Variants in PRRX1 observed in about 807,000 individuals in gnomAD.
PRRX1 encodes paired mesoderm homeobox protein 1.
PRRX1 carries 8 observed loss-of-function variants against 24.0 expected under a neutral mutation model. That is an observed-to-expected ratio of 0.33 (90% CI 0.20 to 0.60). The LOEUF (loss-of-function observed/expected upper bound fraction) is 0.60. Among genes scored for constraint, PRRX1 ranks in the 20% least tolerant of loss-of-function variants. The pLI, the probability that PRRX1 is intolerant of heterozygous loss-of-function variation, is 0.82. For synonymous variants in PRRX1, 160 were observed against 131.7 expected (o/e 1.22, Z -1.47); for missense variants, 281 against 322.4 (o/e 0.87, Z 0.98).
At chr1:170,729,212 G>T (rs573848923) in intron 3 of PRRX1, among the ~76,000 whole-genome samples, 11 of 152,300 alleles carry the variant, frequency 7.2e-5, no homozygotes, top group Admixed American at 3.9e-4. Flanking sequence ...AGTAAAAAAA[G>T]TATAAGATTG....
chr1:170,730,386 G>T, intron 3 of PRRX1: 1 of 1,544,452 alleles, frequency 6.5e-7, no homozygotes, highest in Admixed American at 1.7e-5. Flanking sequence ...GCTGCTTGGG[G>T]TAGGGTTTAA....
intron 1 of PRRX1, among the ~76,000 whole-genome samples, chr1:170,711,144 T>C (rs2101911275): frequency 6.6e-6 from 1 of 152,352 alleles, no homozygotes; most frequent in Non-Finnish European, 1.5e-5. Context: ...CTTCTTATTT[T>C]GACCATTTTA....
chr1:170,703,586 A>G (rs1283860692), intron 1 of PRRX1, among the ~76,000 whole-genome samples: 1 of 147,522 alleles, frequency 6.8e-6, no homozygotes, highest in Non-Finnish European at 1.5e-5. Context: ...ATAATACATT[A>G]TATAATAGTG....
intron 3 of PRRX1, chr1:170,727,344 A>G (rs150010409): frequency 1.2e-3 from 190 of 152,278 alleles, no homozygotes; most frequent in African/African-American, 4.2e-3. Flanking sequence ...CTTTCTTTGA[A>G]AATATACCTG....
At chr1:170,665,026 C>G (rs564106831) in intron 1 of PRRX1, among the ~76,000 whole-genome samples, 9 of 152,348 alleles carry the variant, frequency 5.9e-5, no homozygotes, top group East Asian at 5.8e-4. Flanking sequence ...AGAGAACGCC[C>G]GGCCCCAGAC....
intron 1 of PRRX1, among the ~76,000 whole-genome samples, chr1:170,675,911 C>T (rs1432980370): frequency 1.3e-5 from 2 of 151,984 alleles, no homozygotes; most frequent in African/African-American, 4.8e-5. Flanking sequence ...AGAGAGTAAA[C>T]ACCATTTTTG....
chr1:170,702,619 C>A (rs1654421402), intron 1 of PRRX1, among the ~76,000 whole-genome samples: 2 of 152,320 alleles, frequency 1.3e-5, no homozygotes, highest in East Asian at 1.9e-4. Context: ...AGGATTGAGG[C>A]TTTTACCCGT....
chr1:170,694,822 T>C (rs545027262), intron 1 of PRRX1, among the ~76,000 whole-genome samples: 3 of 152,284 alleles, frequency 2.0e-5, no homozygotes, highest in Non-Finnish European at 4.4e-5. Context: ...TGAAGTGGCC[T>C]TATAGATAAA....
chr1:170,667,121 A>T (rs1308254272), intron 1 of PRRX1, among the ~76,000 whole-genome samples: 1 of 152,154 alleles, frequency 6.6e-6, no homozygotes, highest in Non-Finnish European at 1.5e-5. Context: ...AGTTACAATG[A>T]CTAGAGAGGC....
At position 170,736,177 on chromosome 1, in the gene PRRX1, A is replaced by G. The variant is rs755620260; in HGVS notation, c.729A>G (p.Thr243=). The G allele has an allele frequency of 5.0e-6, 8 of 1,614,212 alleles. No homozygotes were observed. Among genetic ancestry groups the G allele is most frequent in the Non-Finnish European group, 5.1e-6 (6 of 1,180,006 alleles). The part of the protein sequence containing the change: ...EYSLQRNQVP[T]VN ...GTTTACAGAGGAACCAGGTGCCAAC[A>G]GTCAACTGAGGAAAAAAAATAATTA... The change falls in exon 4 of 4, where the codon ACA becomes ACG. Residue 243 remains threonine (T), a synonymous_variant. Transcript: ENST00000239461.
chr1:170,706,097 T>C (rs1401288728), intron 1 of PRRX1, among the ~76,000 whole-genome samples: 2 of 152,236 alleles, frequency 1.3e-5, no homozygotes, highest in Non-Finnish European at 2.9e-5. Flanking sequence ...CTGCTAAATC[T>C]GAACATTATC....
At chr1:170,670,606 C>A (rs114545859) in intron 1 of PRRX1, among the ~76,000 whole-genome samples, 2,089 of 152,140 alleles carry the variant, frequency 0.014, 48 homozygotes, top group African/African-American at 0.048. Context: ...GGGAAGTACT[C>A]ATCCAGACAA....
At chr1:170,686,301 G>A (rs1429329340) in intron 1 of PRRX1, among the ~76,000 whole-genome samples, 3 of 152,120 alleles carry the variant, frequency 2.0e-5, no homozygotes, top group Admixed American at 6.5e-5. Flanking sequence ...ACCTAAGAGG[G>A]CAAGAGCAAG....
chr1:170,701,159 C>G (rs1333719968), intron 1 of PRRX1, among the ~76,000 whole-genome samples: 1 of 152,162 alleles, frequency 6.6e-6, no homozygotes, highest in Non-Finnish European at 1.5e-5. Context: ...CTTTATGACT[C>G]ATCTATTATC....
At chr1:170,689,824 CT>C in intron 1 of PRRX1, among the ~76,000 whole-genome samples, 2 of 81,916 alleles carry the variant, frequency 2.4e-5, no homozygotes, top group Non-Finnish European at 4.9e-5. Flanking sequence ...GTCTCTCTCT[CT>C]CTCTCTCTCT....
intron 1 of PRRX1, among the ~76,000 whole-genome samples, chr1:170,666,186 C>A (rs544691551): frequency 1.4e-4 from 22 of 152,084 alleles, no homozygotes; most frequent in Middle Eastern, 3.4e-3. Flanking sequence ...TTTGGGAGGC[C>A]GAGGCGGGCA....
intron 1 of PRRX1, among the ~76,000 whole-genome samples, chr1:170,708,749 G>A (rs1654651898): frequency 6.6e-6 from 1 of 152,102 alleles, no homozygotes; most frequent in African/African-American, 2.4e-5. Context: ...CTGCCTTCAA[G>A]GCTTACTTTC....
intron 3 of PRRX1, 129 bp downstream of exon 3, chr1:170,726,530 G>T: frequency 8.7e-7 from 1 of 1,147,482 alleles, no homozygotes. Flanking sequence ...CATTCAACTT[G>T]CTGACATCCC....
chr1:170,736,026 G>A lies in PRRX1; in HGVS notation c.600-22G>A, dbSNP rs3830152. 89 of 1,613,722 alleles carry A rather than the reference G, an allele frequency of 5.5e-5. 1 individual carries two copies. The East Asian group carries it at 1.9e-3, about 34-fold the overall frequency. ...GAAACTAATGCCTGTTATTCTCCCT[G>A]CTCTCTCCTTTGTCCCTACAGCGCC... On this transcript the variant is annotated intron_variant, in intron 3 of 3. Coordinates refer to ENST00000239461, the MANE Select transcript of PRRX1 (RefSeq NM_022716.4).
Sources: allele counts gnomAD v4.1 joint callset (sites outside exome capture counted in the v4.1 genomes callset), GRCh38; gene constraint gnomAD v4.1.1; transcripts MANE v1.5; gene names NCBI Gene and HGNC (gene_info 2026-07-23, HGNC 2026-07-21).